The following GRM7 variants were observed in gnomAD, a reference collection of about 807,000 sequenced individuals.
GRM7 encodes the protein metabotropic glutamate receptor 7.
Under a neutral mutation model 84.5 loss-of-function variants are expected in GRM7, and 35 were observed. That is an observed-to-expected ratio of 0.41 (90% confidence interval 0.32 to 0.55). GRM7 has a LOEUF of 0.55. GRM7 is among the 20% of genes least tolerant of loss of function. The probability of loss-of-function intolerance (pLI) is 0.19; values close to 1 mark genes in which losing one functional copy is unlikely to be tolerated. For missense variants in GRM7, 1,003 were observed against 1,194.6 expected, an observed-to-expected ratio of 0.84 and a Z score of 2.36; for synonymous variants, 487 against 455.1, an observed-to-expected ratio of 1.07 and a Z score of -0.89.
intron 1 of GRM7, among the ~76,000 whole-genome samples, chr3:6,945,900 T>G (rs1229326566): frequency 6.6e-6 from 1 of 152,136 alleles, no homozygotes; most frequent in Non-Finnish European, 1.5e-5. Context: ...ACCCACTTTT[T>G]GGTGGGGTTG....
intron 2 of GRM7, among the ~76,000 whole-genome samples, chr3:7,179,057 G>T (rs1249228357): frequency 6.6e-6 from 1 of 152,164 alleles, no homozygotes; most frequent in East Asian, 1.9e-4. Context: ...AGTGAGCGGA[G>T]ATTGTGCCAC....
intron 6 of GRM7, among the ~76,000 whole-genome samples, chr3:7,460,099 T>TAAAAAAAAAAAAAAAAA (rs71066013): frequency 1.0e-4 from 5 of 49,544 alleles, no homozygotes; most frequent in African/African-American, 9.3e-5. Flanking sequence ...CTTAAAATAG[T>TAAAAAAAAAAAAAAAAA]AAAAAAAAAA....
chr3:7,511,209 C>A (rs1700187708), intron 7 of GRM7, among the ~76,000 whole-genome samples: 1 of 152,088 alleles, frequency 6.6e-6, no homozygotes, highest in Admixed American at 6.6e-5. Flanking sequence ...ACATGCCTGG[C>A]CCTCGACTAT....
At position 7,259,953 on chromosome 3, in the gene GRM7, G is replaced by GTTTTTTTTTTGT. The variant is rs1553638859; in HGVS notation, c.737-38721_737-38720insGTTTTTTTTTTT. 1.8e-4 allele frequency among the ~76,000 whole-genome samples: 16 copies of GTTTTTTTTTTGT among 89,660 alleles called. 1 individual carries two copies. Among genetic ancestry groups the GTTTTTTTTTTGT allele is most frequent in the Admixed American group, 2.6e-4 (2 of 7,554 alleles). 58.8% of individuals were successfully genotyped at this position (89,660 alleles called of 152,430 possible). A position where few individuals can be genotyped will look rare whatever the true frequency, so the allele number is the denominator to read the frequency against. ...TTTCTCTGCAACCTTACCAGCATCT[G>GTTTTTTTTTTGT]TTTTTTTTTTTTGACGTTTTAATAA... is the stretch of plus-strand genomic sequence containing the variant. On this transcript the variant is annotated intron_variant, in intron 2 of 9. Transcript: ENST00000357716.
rs529572556 is a variant in GRM7 at position 7,309,516 on chromosome 3, A to G, written c.1033+2864A>G. Reference sequence around the variant, plus strand: ...CTATATCTTTGTGTTGTATAATGCTATACCCTCAGATGGAAGGGAAAAGCC... The same window carrying G: ...CTATATCTTTGTGTTGTATAATGCTGTACCCTCAGATGGAAGGGAAAAGCC... On this transcript the variant is annotated intron_variant, in intron 4 of 9. Transcript: ENST00000357716. Among the ~76,000 whole-genome samples the G allele has an allele frequency of 1.7e-3, 260 of 152,284 alleles. 1 individual carries two copies. The highest frequency in any genetic ancestry group is 3.1e-3 in the South Asian group (15 of 4,832).
intron 1 of GRM7, among the ~76,000 whole-genome samples, chr3:6,977,925 A>G (rs552692813): frequency 6.6e-6 from 1 of 152,164 alleles, no homozygotes; most frequent in Non-Finnish European, 1.5e-5. Flanking sequence ...TTTTTGCCCT[A>G]TGTTAATAAC....
chr3:7,133,600 C>A (rs1209726954), intron 1 of GRM7, among the ~76,000 whole-genome samples: 2 of 152,134 alleles, frequency 1.3e-5, no homozygotes. Flanking sequence ...CAAAAGTCAA[C>A]CTTTAGTGTT....
intron 7 of GRM7, among the ~76,000 whole-genome samples, chr3:7,542,492 G>C (rs1370842104): frequency 6.6e-6 from 1 of 151,336 alleles, no homozygotes. Context: ...TCTTAAGCAT[G>C]TCTTTATTCT....
chr3:7,342,139 T>C (rs1292306585), intron 4 of GRM7, among the ~76,000 whole-genome samples: 2 of 152,154 alleles, frequency 1.3e-5, no homozygotes, highest in Non-Finnish European at 1.5e-5. Context: ...CCTCACTTTC[T>C]TGAGGGACAC....
At chr3:6,937,257 T>C (rs712756) in intron 1 of GRM7, among the ~76,000 whole-genome samples, 5,339 of 152,140 alleles carry the variant, frequency 0.035, 317 homozygotes, top group African/African-American at 0.12. Context: ...CAATTGGGAA[T>C]TCCACCTCAT....
At chr3:7,225,434 T>C in intron 2 of GRM7, among the ~76,000 whole-genome samples, 1 of 147,824 alleles carries the variant, frequency 6.8e-6, no homozygotes, top group South Asian at 2.1e-4. Context: ...TATAGTTATA[T>C]CTGTAATTTC....
intron 2 of GRM7, among the ~76,000 whole-genome samples, chr3:7,204,152 A>G (rs1378126830): frequency 6.6e-6 from 1 of 152,210 alleles, no homozygotes; most frequent in Non-Finnish European, 1.5e-5. Context: ...TGTTTTGACA[A>G]GGACTCTGGC....
chr3:7,147,557 T>C (rs1346908922), intron 2 of GRM7, among the ~76,000 whole-genome samples: 1 of 152,142 alleles, frequency 6.6e-6, no homozygotes, highest in Admixed American at 6.5e-5. Flanking sequence ...GAAAGAGAGC[T>C]CCATGTTATG....
intron 9 of GRM7, among the ~76,000 whole-genome samples, chr3:7,730,546 A>G (rs1368231080): frequency 6.6e-6 from 1 of 152,222 alleles, no homozygotes; most frequent in South Asian, 2.1e-4. Context: ...GCCAGGCTAT[A>G]CTAGTACACT....
At chr3:6,977,365 CTGTG>C (rs145487785) in intron 1 of GRM7, among the ~76,000 whole-genome samples, 1 of 150,892 alleles carries the variant, frequency 6.6e-6, no homozygotes, top group East Asian at 1.9e-4. Context: ...GTGTGTTTGT[CTGTG>C]TGTGTGTGTG....
At chr3:7,696,500 A>C (rs1701025145) in intron 9 of GRM7, among the ~76,000 whole-genome samples, 1 of 152,118 alleles carries the variant, frequency 6.6e-6, no homozygotes, top group Non-Finnish European at 1.5e-5. Context: ...GTGCATATTC[A>C]CTCATCATGC....
At chr3:6,882,943 T>A (rs1695564638) in intron 1 of GRM7, among the ~76,000 whole-genome samples, 3 of 152,228 alleles carry the variant, frequency 2.0e-5, no homozygotes, top group Admixed American at 2.0e-4. Context: ...AATGACTTTT[T>A]AGAAATTGAA....
chr3:7,147,964 T>G (rs1316633127), intron 2 of GRM7, among the ~76,000 whole-genome samples: 1 of 152,168 alleles, frequency 6.6e-6, no homozygotes, highest in African/African-American at 2.4e-5. Flanking sequence ...AATTTCCTAT[T>G]TGTTTGTTTT....
chr3:7,130,593 G>T (rs6443091), intron 1 of GRM7, among the ~76,000 whole-genome samples: 71,422 of 149,432 alleles, frequency 0.48, 17,866 homozygotes, highest in African/African-American at 0.62. Flanking sequence ...CCATGGAGAG[G>T]ATTAGTAGCT....
Sources: allele counts gnomAD v4.1 joint callset (sites outside exome capture counted in the v4.1 genomes callset), GRCh38; gene constraint gnomAD v4.1.1; transcripts MANE v1.5; gene names NCBI Gene and HGNC (gene_info 2026-07-23, HGNC 2026-07-21).